The following CHRNA7 variants were observed in gnomAD, a reference collection of about 807,000 sequenced individuals.
CHRNA7 encodes the protein neuronal acetylcholine receptor subunit alpha-7.
A neutral mutation model predicts 48.0 loss-of-function variants in CHRNA7; 17 were observed. The ratio of observed to expected loss-of-function variants is 0.35; its 90% CI spans 0.24 to 0.53. The LOEUF is 0.53. CHRNA7 is among the 20% of genes least tolerant of loss of function. The pLI, the probability that CHRNA7 is intolerant of heterozygous loss-of-function variation, is 0.92. For synonymous variants in CHRNA7, 75 were observed against 242.3 expected (o/e 0.31, Z 6.41); for missense variants, 155 against 577.7 (o/e 0.27, Z 7.50).
intron 4 of CHRNA7, among the ~76,000 whole-genome samples, chr15:32,123,284 A>C (rs1026115680): frequency 6.6e-6 from 1 of 152,226 alleles, no homozygotes; most frequent in East Asian, 1.9e-4. Flanking sequence ...AAACCTCGTT[A>C]AATGCACAAA....
At chr15:32,055,961 A>G (rs1171336159) in intron 2 of CHRNA7, among the ~76,000 whole-genome samples, 2 of 152,068 alleles carry the variant, frequency 1.3e-5, no homozygotes, top group Non-Finnish European at 2.9e-5. Flanking sequence ...CCTGGGTGAC[A>G]GAGCGAGACT....
Position 32,063,932 on chromosome 15 carries a change from A to G in CHRNA7, c.195+32895A>G, listed in dbSNP as rs117796686. Among the ~76,000 whole-genome samples the G allele has an allele frequency of 6.0e-3, 918 of 152,276 alleles. 10 individuals carry two copies. Among genetic ancestry groups the G allele is most frequent in the South Asian group, 0.025 (120 of 4,820 alleles). On this transcript the variant is annotated intron_variant, in intron 2 of 9. Transcript: ENST00000306901. ...GGATCCAGATCCTCTTTCCTGGTTTATCTTCTCAGTTGATGGATGGTGTCC... is the reference window on the plus strand; with the variant it reads ...GGATCCAGATCCTCTTTCCTGGTTTGTCTTCTCAGTTGATGGATGGTGTCC...
At chr15:32,071,374 A>G (rs1431943916) in intron 2 of CHRNA7, among the ~76,000 whole-genome samples, 1 of 152,182 alleles carries the variant, frequency 6.6e-6, no homozygotes, top group East Asian at 1.9e-4. Flanking sequence ...ATGTTAGCAT[A>G]TTTATTATAT....
At chr15:32,075,776 G>A (rs903458669) in intron 2 of CHRNA7, among the ~76,000 whole-genome samples, 1 of 151,564 alleles carries the variant, frequency 6.6e-6, no homozygotes, top group African/African-American at 2.4e-5. Flanking sequence ...AGGTTCTTCA[G>A]ATAGGAGCTT....
intron 2 of CHRNA7, chr15:32,100,330 A>G (rs2050549015): frequency 6.6e-6 from 1 of 152,174 alleles, no homozygotes; most frequent in Non-Finnish European, 1.5e-5. Flanking sequence ...TCAATTGCTA[A>G]TTCACAGAGT....
intron 4 of CHRNA7, among the ~76,000 whole-genome samples, chr15:32,115,407 G>T (rs2050851285): frequency 6.6e-6 from 1 of 152,114 alleles, no homozygotes; most frequent in Admixed American, 6.5e-5. Flanking sequence ...GACAGATCTT[G>T]TCATCTCTGC....
At chr15:32,098,978 G>A (rs11071552) in intron 2 of CHRNA7, 1,990 of 151,944 alleles carry the variant, frequency 0.013, 46 homozygotes, top group African/African-American at 0.045. Context: ...TAATGCTGGG[G>A]ACAGGAGGTG....
chr15:32,051,565 G>T (rs938333435), intron 2 of CHRNA7, among the ~76,000 whole-genome samples: 1 of 86,568 alleles, frequency 1.2e-5, no homozygotes, highest in Non-Finnish European at 2.7e-5. Flanking sequence ...CCCTTTCCTT[G>T]ACCAGGAAAG....
intron 2 of CHRNA7, among the ~76,000 whole-genome samples, chr15:32,051,015 T>C (rs1265605808): frequency 6.7e-6 from 1 of 149,770 alleles, no homozygotes. Context: ...AAGTTTTGTC[T>C]CAGAGGAGTA....
chr15:32,142,272 A>G (rs1057405004), intron 4 of CHRNA7, among the ~76,000 whole-genome samples: 1 of 152,178 alleles, frequency 6.6e-6, no homozygotes, highest in Non-Finnish European at 1.5e-5. Context: ...GATGAAGCCA[A>G]CTTGATCATG....
chr15:32,110,997 G>A (rs574087110), intron 3 of CHRNA7, among the ~76,000 whole-genome samples: 1 of 152,270 alleles, frequency 6.6e-6, no homozygotes, highest in East Asian at 1.9e-4. Flanking sequence ...AGCCTCCTGT[G>A]GGGTGGTGCT....
intron 4 of CHRNA7, among the ~76,000 whole-genome samples, chr15:32,131,387 C>A (rs917951855): frequency 7.9e-5 from 12 of 151,690 alleles, no homozygotes; most frequent in African/African-American, 2.9e-4. Flanking sequence ...TCTATTTTAC[C>A]TTTGTTGCTC....
At chr15:32,038,417 G>T (rs1231377793) in intron 2 of CHRNA7, among the ~76,000 whole-genome samples, 1 of 151,952 alleles carries the variant, frequency 6.6e-6, no homozygotes, top group Admixed American at 6.6e-5. Flanking sequence ...TTTGTAGCCT[G>T]TTGATGTAAT....
intron 2 of CHRNA7, among the ~76,000 whole-genome samples, chr15:32,045,487 C>A (rs1037054281): frequency 1.3e-5 from 2 of 152,030 alleles, no homozygotes; most frequent in African/African-American, 4.8e-5. Flanking sequence ...CTTGCATATA[C>A]ATTCTAGGGC....
At chr15:32,142,389 G>A (rs1270824234) in intron 4 of CHRNA7, among the ~76,000 whole-genome samples, 2 of 152,048 alleles carry the variant, frequency 1.3e-5, no homozygotes, top group Non-Finnish European at 2.9e-5. Context: ...CTCTTTTTTG[G>A]TTGTGTCTCT....
At chr15:32,143,171 G>A (rs1411820325) in intron 4 of CHRNA7, among the ~76,000 whole-genome samples, 3 of 152,110 alleles carry the variant, frequency 2.0e-5, no homozygotes, top group African/African-American at 4.8e-5. Flanking sequence ...CCTTCATTTC[G>A]TTATTTACCC....
chr15:32,125,793 A>G (rs1180490749), intron 4 of CHRNA7, among the ~76,000 whole-genome samples: 1 of 152,118 alleles, frequency 6.6e-6, no homozygotes, highest in Non-Finnish European at 1.5e-5. Flanking sequence ...TCGGTCATAC[A>G]TGGTCCCCCT....
intron 2 of CHRNA7, among the ~76,000 whole-genome samples, chr15:32,076,760 A>C (rs1255842263): frequency 6.6e-6 from 1 of 152,154 alleles, no homozygotes. Flanking sequence ...TACGATTGAC[A>C]AACCTACACT....
At position 32,168,754 on chromosome 15, in the gene CHRNA7, G is replaced by GTTCTTT; in HGVS notation, c.*296_*297insTTCTTT. On this transcript the variant is annotated 3_prime_UTR_variant, in exon 10 of 10. Transcript: ENST00000306901. ...CCCACTGCCTGGAAAGCCCTTCGGA[G>GTTCTTT]AGCTCCCCATGGCTCCTCACCACCG... 1.2e-5 allele frequency: 1 copy of GTTCTTT among 82,320 alleles called. No homozygotes were observed. The highest frequency in any genetic ancestry group is 2.1e-5 in the Non-Finnish European group (1 of 48,252). The allele number at this position is 82,320 out of a possible 1,614,324, so 5.1% of individuals were successfully genotyped here.
Sources: gnomAD v4.1 joint callset for allele counts (sites outside exome capture counted in the v4.1 genomes callset) on GRCh38, gnomAD v4.1.1 for gene constraint, MANE v1.5 for transcripts, NCBI Gene and HGNC (gene_info 2026-07-23, HGNC 2026-07-21) for gene names.